The following TMEM132B variants were observed in gnomAD, a reference collection of about 807,000 sequenced individuals.
TMEM132B encodes the protein transmembrane protein 132B.
A neutral mutation model predicts 90.8 loss-of-function variants in TMEM132B; 18 were observed. That is an observed-to-expected ratio of 0.20 (90% CI 0.14 to 0.29). The LOEUF is 0.29. Ranked by LOEUF, TMEM132B falls within the 10% of genes least tolerant of loss-of-function variation. The probability of loss-of-function intolerance (pLI) is 1.00; values close to 1 mark genes in which losing one functional copy is unlikely to be tolerated. For synonymous variants in TMEM132B, 504 were observed against 523.3 expected (o/e 0.96, Z 0.50); for missense variants, 1,096 against 1,326.8 (o/e 0.83, Z 2.70).
intron 1 of TMEM132B, among the ~76,000 whole-genome samples, chr12:125,274,113 G>A (rs1025325177): frequency 3.3e-5 from 5 of 152,140 alleles, no homozygotes; most frequent in South Asian, 2.1e-4. Flanking sequence ...GGGTCTCTTC[G>A]TGAGTGGTGT....
intron 1 of TMEM132B, among the ~76,000 whole-genome samples, chr12:125,299,855 C>T (rs949364516): frequency 6.6e-6 from 1 of 152,240 alleles, no homozygotes. Flanking sequence ...CCCACTTGCC[C>T]TGCTGTCTGT....
At chr12:125,633,797 C>A (rs1886419284) in intron 5 of TMEM132B, among the ~76,000 whole-genome samples, 1 of 152,370 alleles carries the variant, frequency 6.6e-6, no homozygotes, top group Admixed American at 6.5e-5. Flanking sequence ...TCTCTCTGTT[C>A]TGAGCCACCT....
At chr12:125,243,491 A>G (rs1874136817) in intron 1 of TMEM132B, among the ~76,000 whole-genome samples, 2 of 152,192 alleles carry the variant, frequency 1.3e-5, no homozygotes, top group South Asian at 4.1e-4. Flanking sequence ...TTTTTAGTAG[A>G]GATGGGGTTT....
chr12:125,365,792 G>A (rs1047538223), intron 2 of TMEM132B, among the ~76,000 whole-genome samples: 1 of 151,926 alleles, frequency 6.6e-6, no homozygotes, highest in African/African-American at 2.4e-5. Context: ...TTTGATACAT[G>A]TATAAAATGT....
At position 125,278,229 on chromosome 12, in the gene TMEM132B, G is replaced by A. The variant is rs966112157; in HGVS notation, c.68-71223G>A. On this transcript the variant is annotated intron_variant, in intron 1 of 8. Transcript: ENST00000682704. ...ATACATATTGTCTACGGTTGCTTTC[G>A]CACCGTAACCCCAGGGTTGAGAAGC... Among the ~76,000 whole-genome samples the A allele has an allele frequency of 9.2e-5, 14 of 152,280 alleles. No individual in the cohort carries two copies. The East Asian group carries it at 1.5e-3, about 17-fold the overall frequency.
intron 1 of TMEM132B, among the ~76,000 whole-genome samples, chr12:125,254,381 G>A (rs1874383802): frequency 6.6e-6 from 1 of 152,192 alleles, no homozygotes; most frequent in African/African-American, 2.4e-5. Flanking sequence ...GAGAACTTAA[G>A]AAAGGAGCTT....
intron 1 of TMEM132B, among the ~76,000 whole-genome samples, chr12:125,297,572 C>T (rs533431137): frequency 6.6e-6 from 1 of 152,350 alleles, no homozygotes; most frequent in East Asian, 1.9e-4. Flanking sequence ...AGGCATTACG[C>T]TCAATACTGG....
intron 1 of TMEM132B, among the ~76,000 whole-genome samples, chr12:125,239,597 G>A (rs1874017667): frequency 6.6e-6 from 1 of 152,174 alleles, no homozygotes; most frequent in African/African-American, 2.4e-5. Flanking sequence ...CAGCATCCTT[G>A]CCTTTCCATA....
At chr12:125,502,076 T>C (rs570505160) in intron 3 of TMEM132B, among the ~76,000 whole-genome samples, 7 of 152,282 alleles carry the variant, frequency 4.6e-5, no homozygotes, top group African/African-American at 7.2e-5. Context: ...CCTGTGTGGT[T>C]GAGTGGAGCA....
intron 1 of TMEM132B, among the ~76,000 whole-genome samples, chr12:125,342,910 C>T (rs1877232749): frequency 6.6e-6 from 1 of 152,206 alleles, no homozygotes; most frequent in South Asian, 2.1e-4. Flanking sequence ...AAAGTGGAGA[C>T]TCACCTGACT....
At chr12:125,652,654 C>T (rs766984546) in intron 8 of TMEM132B, 22 bp downstream of exon 8, 20 of 1,594,472 alleles carry the variant, frequency 1.3e-5, no homozygotes, top group Middle Eastern at 1.8e-4. Flanking sequence ...AGGGGCCCTG[C>T]GTCCTTGGTC....
intron 1 of TMEM132B, among the ~76,000 whole-genome samples, chr12:125,243,062 T>TAC (rs1156873361): frequency 7.0e-6 from 1 of 142,258 alleles, no homozygotes; most frequent in Non-Finnish European, 1.5e-5. Flanking sequence ...CATACATATA[T>TAC]ACACACACAT....
intron 5 of TMEM132B, among the ~76,000 whole-genome samples, chr12:125,633,894 G>A (rs1030499563): frequency 3.9e-5 from 6 of 152,160 alleles, no homozygotes; most frequent in African/African-American, 1.2e-4. Flanking sequence ...GCACAGCACT[G>A]GGTCTCATCC....
At chr12:125,236,902 C>T (rs919561271) in intron 1 of TMEM132B, among the ~76,000 whole-genome samples, 2 of 152,176 alleles carry the variant, frequency 1.3e-5, no homozygotes, top group Non-Finnish European at 2.9e-5. Context: ...TGTAGTGCAT[C>T]GGAGAGGTGC....
Position 125,644,129 on chromosome 12 carries a change from A to T in TMEM132B, c.1491A>T (p.Lys497Asn). ...TGAATGGGAAGGAAATGAAGAGCAA[A>T]GTGGACACGATTGTGAACTTCACCC... ...IFVNGKEMKSKVDTIVNFTHQ... is the reference protein window; with the variant it reads ...IFVNGKEMKSNVDTIVNFTHQ... The change falls in exon 6 of 9, where the codon AAA becomes AAT. Residue 497 changes from lysine (K) to asparagine (N), a missense_variant. By Grantham distance (94) the Lys-to-Asn change is moderately conservative. Transcript: ENST00000682704. 1 of 1,614,216 alleles carries T rather than the reference A, an allele frequency of 6.2e-7. No homozygotes were observed.
chr12:125,271,811 A>G (rs895620398), intron 1 of TMEM132B, among the ~76,000 whole-genome samples: 1 of 151,880 alleles, frequency 6.6e-6, no homozygotes. Context: ...ATATTTGACC[A>G]TATCTACAGT....
At chr12:125,513,601 G>A (rs1883036654) in intron 3 of TMEM132B, among the ~76,000 whole-genome samples, 1 of 152,100 alleles carries the variant, frequency 6.6e-6, no homozygotes, top group African/African-American at 2.4e-5. Context: ...GATGGTTTGG[G>A]ATACAGTTTT....
At position 125,410,834 on chromosome 12, in the gene TMEM132B, TGAGTG is replaced by T. The variant is rs374560095; in HGVS notation, c.960-4678_960-4674del. On this transcript the variant is annotated intron_variant, in intron 2 of 8. Coordinates refer to ENST00000682704, the MANE Select transcript of TMEM132B (RefSeq NM_001366854.1). Reference sequence around the variant, plus strand: ...GTGGAGTGAGTGGAGTGGAGTGGAGTGAGTGGAGTGGAGTGGAGTGGAGGAGTGGA... The same window carrying T: ...GTGGAGTGAGTGGAGTGGAGTGGAGTGAGTGGAGTGGAGTGGAGGAGTGGA... 8.4e-3 allele frequency among the ~76,000 whole-genome samples: 24 copies of T among 2,862 alleles called. 8 individuals carry two copies. The African/African-American group carries it at 0.12, about 14-fold the overall frequency. 1.9% of individuals were successfully genotyped at this position (2,862 alleles called of 152,430 possible).
intron 3 of TMEM132B, among the ~76,000 whole-genome samples, chr12:125,509,392 A>G (rs973274957): frequency 2.0e-5 from 3 of 152,224 alleles, no homozygotes; most frequent in Admixed American, 6.5e-5. Flanking sequence ...AGATGGGGCC[A>G]TGTGACTGGT....
Sources: allele counts gnomAD v4.1 joint callset (sites outside exome capture counted in the v4.1 genomes callset), GRCh38; gene constraint gnomAD v4.1.1; transcripts MANE v1.5; gene names NCBI Gene and HGNC (gene_info 2026-07-23, HGNC 2026-07-21).